The following PHYKPL variants were observed in gnomAD, a reference collection of about 807,000 sequenced individuals.
PHYKPL encodes the protein 5-phosphonooxy-L-lysine phospho-lyase.
PHYKPL carries 42 observed loss-of-function variants against 51.3 expected under a neutral mutation model. The ratio of observed to expected loss-of-function variants is 0.82; its 90% CI spans 0.64 to 1.06. PHYKPL has a LOEUF of 1.06. PHYKPL is among the 50% of genes least tolerant of loss of function. The pLI is 0.00. For missense variants in PHYKPL, 655 were observed against 586.6 expected (o/e 1.12, Z -1.20); for synonymous variants, 264 against 236.0 (o/e 1.12, Z -1.09).
At chr5:178,229,548 C>G (rs541107979) in intron 3 of PHYKPL, 1 of 158,714 alleles carries the variant, frequency 6.3e-6, no homozygotes, top group South Asian at 1.8e-4. Flanking sequence ...TTTTTCTAGG[C>G]CTCATGATAC....
At chr5:178,210,998 A>C (rs1480705848) in intron 12 of PHYKPL, 1 of 228,958 alleles carries the variant, frequency 4.4e-6, no homozygotes, top group Non-Finnish European at 8.6e-6. Flanking sequence ...ATTTTATATT[A>C]TTTGCGTCAT....
At chr5:178,223,553 A>G in intron 6 of PHYKPL, 1 of 451,502 alleles carries the variant, frequency 2.2e-6, no homozygotes, top group South Asian at 1.6e-5. Context: ...GGGATGGGAT[A>G]CTGGTCCCCC....
intron 1 of PHYKPL, 144 bp downstream of exon 1, chr5:178,232,348 G>A: frequency 7.8e-7 from 1 of 1,279,178 alleles, no homozygotes; most frequent in East Asian, 3.4e-5. Flanking sequence ...GCTCCAGCGG[G>A]GCCGGGGCAG....
rs186209782 is a variant in PHYKPL at position 178,220,546 on chromosome 5, G to A, written c.927+1809C>T. Among the ~76,000 whole-genome samples the A allele has an allele frequency of 1.1e-3, 161 of 152,178 alleles. 2 individuals are homozygous for A. Among genetic ancestry groups the A allele is most frequent in the Middle Eastern group, 6.8e-3 (2 of 294 alleles). On this transcript the variant is annotated intron_variant, in intron 8 of 12. Coordinates refer to ENST00000308158, the MANE Select transcript of PHYKPL (RefSeq NM_153373.4). ...ATACACTATATACACTACTGGTGGG[G>A]TGTTAACTTGTGAACTACTTTAGAA... is the stretch of plus-strand genomic sequence containing the variant.
At chr5:178,207,357 T>C, downstream of PHYKPL, 1 of 1,062,858 alleles carries the variant, frequency 9.4e-7, no homozygotes, top group Non-Finnish European at 1.4e-6. Context: ...CTGAAGCGTA[T>C]GCTGCCCTGA....
chr5:178,210,500 GCA>G, intron 12 of PHYKPL: 25 of 1,567,500 alleles, frequency 1.6e-5, no homozygotes, highest in Non-Finnish European at 2.2e-5. Context: ...CAAGCGCGTG[GCA>G]CAGGGCAAAT....
At chr5:178,212,701 G>C (rs549087481) in intron 11 of PHYKPL, among the ~76,000 whole-genome samples, 1 of 152,360 alleles carries the variant, frequency 6.6e-6, no homozygotes, top group Non-Finnish European at 1.5e-5. Context: ...GCCCAGTACT[G>C]CTTTGTCCTG....
chr5:178,220,639 A>G (rs1020949072), intron 8 of PHYKPL, among the ~76,000 whole-genome samples: 37 of 152,176 alleles, frequency 2.4e-4, no homozygotes, highest in African/African-American at 8.9e-4. Flanking sequence ...TTCCACCCTC[A>G]GGTACAGTCC....
At position 178,224,439 on chromosome 5, in the gene PHYKPL, C is replaced by T. The variant is rs200142026; in HGVS notation, c.618+9G>A. 4.4e-5 allele frequency: 69 copies of T among 1,563,864 alleles called. No homozygotes were observed. The African/African-American group carries it at 8.1e-4, about 18-fold the overall frequency. On this transcript the variant is annotated intron_variant, in intron 6 of 12. Transcript: ENST00000308158. ...GTTGGCTGGATTGGACAGGCGCGGA[C>T]ACGGTTACCTTCCTGCCCTTCTCCT...
At position 178,213,101 on chromosome 5, in the gene PHYKPL, A is replaced by G; in HGVS notation, c.1175T>C (p.Leu392Pro). 1 of 1,613,996 alleles carries G rather than the reference A, an allele frequency of 6.2e-7. No individual in the cohort carries two copies. Among genetic ancestry groups the G allele is most frequent in the Non-Finnish European group, 8.5e-7 (1 of 1,179,926 alleles). The change falls in exon 11 of 13, where the codon CTG (leucine) becomes CCG (proline). Residue 392 changes from leucine (L) to proline (P), a missense_variant and splice_region_variant. Transcript: ENST00000308158. ...GCTCAGCAAAACGTAGTTCTCCTTC[A>G]GCCTGTGAGGACAGGACACCCCTTC... is the stretch of plus-strand genomic sequence containing the variant. ...TEEAAYLVSR[L>P]KENYVLLSTD...
At position 178,213,051 on chromosome 5, in the gene PHYKPL, G is replaced by C. The variant is rs761157039; in HGVS notation, c.1225C>G (p.Leu409Val). The C allele has an allele frequency of 5.0e-6, 8 of 1,614,230 alleles. No homozygotes were observed. The highest frequency in any genetic ancestry group is 6.8e-6 in the Non-Finnish European group (8 of 1,180,034). ...AAGCACATTGGGGGCTTAAACTTCAGGATGTTCCTCCCAGGGCCATCAGTG... is the reference window on the plus strand; with the variant it reads ...AAGCACATTGGGGGCTTAAACTTCACGATGTTCCTCCCAGGGCCATCAGTG... ...LSTDGPGRNI[L>V]KFKPPMCFSL... Residue 409 changes from leucine to valine, a missense_variant, in exon 11 of 13, where the codon CTG (leucine) becomes GTG (valine). Coordinates refer to ENST00000308158, the MANE Select transcript of PHYKPL (RefSeq NM_153373.4).
intron 12 of PHYKPL, chr5:178,209,204 A>G: frequency 5.0e-6 from 4 of 794,744 alleles, no homozygotes; most frequent in Non-Finnish European, 6.6e-6. Context: ...CTCCCATACT[A>G]GCATATTTTG....
At chr5:178,228,773 G>A (rs1313223413) in intron 3 of PHYKPL, among the ~76,000 whole-genome samples, 1 of 152,188 alleles carries the variant, frequency 6.6e-6, no homozygotes, top group Non-Finnish European at 1.5e-5. Flanking sequence ...CGATCCTAGT[G>A]TGAGCTACCA....
At position 178,208,866 on chromosome 5, in the gene PHYKPL, G is replaced by A. The variant is rs960895595; in HGVS notation, c.*81C>T. On this transcript the variant is annotated 3_prime_UTR_variant, in exon 13 of 13. Transcript: ENST00000308158. ...AAGCTGACTTTATCTGTAAGAGGGA[G>A]GTCAGGCTCGCCTTCTCAATAGCGT... The A allele has an allele frequency of 6.5e-6, 1 of 154,146 alleles. No homozygotes were observed. The highest frequency in any genetic ancestry group is 2.4e-5 in the African/African-American group (1 of 41,462). The allele number at this position is 154,146 out of a possible 1,614,324, so 9.5% of individuals were successfully genotyped here.
At chr5:178,232,033 G>C in intron 1 of PHYKPL, 1 of 1,198,646 alleles carries the variant, frequency 8.3e-7, no homozygotes, top group Non-Finnish European at 1.1e-6. Flanking sequence ...CACAGGTCAA[G>C]TGTGCTGCCT....
At chr5:178,228,734 G>A in intron 3 of PHYKPL, 1 of 646,084 alleles carries the variant, frequency 1.5e-6, no homozygotes, top group Non-Finnish European at 2.8e-6. Flanking sequence ...CAGATACACT[G>A]TAATCGCCTG....
At chr5:178,214,943 C>A (rs2113751244) in intron 9 of PHYKPL, 58 bp from the exon 10 acceptor site, 2 of 1,538,802 alleles carry the variant, frequency 1.3e-6, no homozygotes, top group East Asian at 4.5e-5. Context: ...AGGGTGCTGG[C>A]CTCAGCCTCT....
At position 178,232,632 on chromosome 5, in the gene PHYKPL, C is replaced by T. The variant is rs1488969584; in HGVS notation, c.-82G>A. ...TGGGCCTCCAAGGCCCCGCTCCGGG[C>T]CCCGCCCCTGCCTGGGTCGGGATTT... On this transcript the variant is annotated 5_prime_UTR_variant, in exon 1 of 13. Coordinates refer to ENST00000308158, the MANE Select transcript of PHYKPL (RefSeq NM_153373.4). The T allele has an allele frequency of 3.3e-6, 4 of 1,222,740 alleles. No homozygotes were observed. The highest frequency in any genetic ancestry group is 4.1e-6 in the Non-Finnish European group (4 of 979,300). The allele number at this position is 1,222,740 out of a possible 1,614,324, so 75.7% of individuals were successfully genotyped here.
intron 4 of PHYKPL, 91 bp from the exon 5 acceptor site, chr5:178,224,820 A>G: frequency 9.7e-7 from 1 of 1,030,626 alleles, no homozygotes; most frequent in East Asian, 2.6e-5. Context: ...CTGAAGACAC[A>G]CAAGGGAGGC....
Sources: gnomAD v4.1 joint callset for allele counts (sites outside exome capture counted in the v4.1 genomes callset) on GRCh38, gnomAD v4.1.1 for gene constraint, MANE v1.5 for transcripts, NCBI Gene and HGNC (gene_info 2026-07-23, HGNC 2026-07-21) for gene names.